SOX6: variants seen among roughly 807,000 people sequenced by gnomAD.
SOX6 encodes transcription factor SOX-6.
SOX6 carries 11 observed loss-of-function variants against 97.8 expected under a neutral mutation model. The observed-to-expected ratio is 0.11, with a 90% CI of 0.07 to 0.19. The LOEUF (loss-of-function observed/expected upper bound fraction) is 0.19, where lower values mean the gene tolerates loss of function less well. SOX6 is among the 10% of genes least tolerant of loss of function. The probability of loss-of-function intolerance (pLI) is 1.00; values close to 1 mark genes in which losing one functional copy is unlikely to be tolerated. For missense variants in SOX6, 810 were observed against 1,039.5 expected, an observed-to-expected ratio of 0.78 and a Z score of 3.04; for synonymous variants, 360 against 371.4, an observed-to-expected ratio of 0.97 and a Z score of 0.35.
intron 7 of SOX6, among the ~76,000 whole-genome samples, chr11:16,098,926 T>C (rs1392199359): frequency 2.0e-5 from 3 of 151,784 alleles, no homozygotes; most frequent in Non-Finnish European, 4.4e-5. Flanking sequence ...TGGGAACTCA[T>C]CCTGCTTGCC....
intron 4 of SOX6, among the ~76,000 whole-genome samples, chr11:16,556,974 G>T (rs74525554): frequency 0.016 from 2,377 of 151,708 alleles, 23 homozygotes; most frequent in Non-Finnish European, 0.026. Context: ...GCCACACATA[G>T]GTTTCCTTTT....
At chr11:16,312,508 C>A (rs1467617357) in intron 3 of SOX6, 1 of 152,172 alleles carries the variant, frequency 6.6e-6, no homozygotes, top group Non-Finnish European at 1.5e-5. Context: ...AACAGCTGTA[C>A]ATTATGCTGA....
At chr11:16,653,466 T>C (rs1211939302) in intron 3 of SOX6, among the ~76,000 whole-genome samples, 2 of 152,204 alleles carry the variant, frequency 1.3e-5, no homozygotes, top group Non-Finnish European at 2.9e-5. Flanking sequence ...ATGATGGCAT[T>C]CACAGCAAAC....
intron 4 of SOX6, among the ~76,000 whole-genome samples, chr11:16,524,822 TC>T (rs1861129406): frequency 6.6e-6 from 1 of 152,166 alleles, no homozygotes; most frequent in African/African-American, 2.4e-5. Context: ...TCACAAGCAT[TC>T]TTATACACCA....
chr11:16,316,737 C>G (rs1855767861), intron 3 of SOX6: 1 of 152,096 alleles, frequency 6.6e-6, no homozygotes, highest in Admixed American at 6.6e-5. Context: ...CTGAAACCAT[C>G]TTTTGGTGGA....
intron 1 of SOX6, among the ~76,000 whole-genome samples, chr11:16,414,334 C>G (rs2133058987): frequency 6.6e-6 from 1 of 152,202 alleles, no homozygotes; most frequent in Non-Finnish European, 1.5e-5. Context: ...TACTTTTTAC[C>G]TAACTCTCAG....
At chr11:16,346,174 C>T (rs1856771675) in intron 1 of SOX6, among the ~76,000 whole-genome samples, 1 of 151,968 alleles carries the variant, frequency 6.6e-6, no homozygotes, top group African/African-American at 2.4e-5. Context: ...AGATAATTCA[C>T]TGTTAATATA....
chr11:16,738,396 T>C (rs969176476), intron 1 of SOX6: 6 of 274,574 alleles, frequency 2.2e-5, no homozygotes, highest in South Asian at 2.1e-4. Flanking sequence ...CCTCCTCCTG[T>C]GGCGACAAAG....
intron 3 of SOX6, among the ~76,000 whole-genome samples, chr11:16,639,418 G>A (rs768081863): frequency 3.3e-5 from 5 of 152,220 alleles, no homozygotes; most frequent in South Asian, 4.1e-4. Flanking sequence ...GGTTCCTTAC[G>A]AACTTTAAAG....
At chr11:16,500,776 A>C (rs1205728386) in intron 4 of SOX6, among the ~76,000 whole-genome samples, 2 of 152,226 alleles carry the variant, frequency 1.3e-5, no homozygotes, top group Non-Finnish European at 2.9e-5. Context: ...CTCATCAAGG[A>C]GAACCACAAT....
chr11:16,137,433 T>C (rs1231843027), intron 6 of SOX6, among the ~76,000 whole-genome samples: 1 of 151,770 alleles, frequency 6.6e-6, no homozygotes, highest in African/African-American at 2.4e-5. Context: ...CTCCAATAAA[T>C]AAATAAAATA....
At chr11:16,093,642 A>G (rs1431249539) in intron 9 of SOX6, among the ~76,000 whole-genome samples, 2 of 151,976 alleles carry the variant, frequency 1.3e-5, no homozygotes, top group Admixed American at 6.6e-5. Flanking sequence ...CCTCCTAAGA[A>G]TCTCTGTTTA....
Position 16,258,433 on chromosome 11 carries a change from T to C in SOX6, c.446-23762A>G, listed in dbSNP as rs75150840. On this transcript the variant is annotated intron_variant, in intron 3 of 15. Coordinates refer to ENST00000683767, the MANE Select transcript of SOX6 (RefSeq NM_001367873.1). Reference sequence around the variant, plus strand: ...GACGCGAAGGAAACTTAAATGCATTTAAGTGAAAAAAGCCAATCTCATAAA... The same window carrying C: ...GACGCGAAGGAAACTTAAATGCATTCAAGTGAAAAAAGCCAATCTCATAAA... 4.1e-3 allele frequency among the ~76,000 whole-genome samples: 619 copies of C among 152,016 alleles called. 20 individuals carry two copies. In the East Asian group the frequency reaches 0.081, roughly 20 times the overall value.
At chr11:16,186,987 C>T in intron 4 of SOX6, 32 bp from the exon 5 acceptor site, 1 of 1,612,596 alleles carries the variant, frequency 6.2e-7, no homozygotes, top group Non-Finnish European at 8.5e-7. Flanking sequence ...ATCTCACAAG[C>T]TTGAGAAATA....
intron 9 of SOX6, among the ~76,000 whole-genome samples, chr11:16,082,957 T>A (rs978432172): frequency 2.6e-5 from 4 of 152,204 alleles, no homozygotes; most frequent in African/African-American, 9.6e-5. Context: ...TGCCGTGCTG[T>A]CTATTGCTTC....
chr11:15,972,652 C>T lies in SOX6; in HGVS notation c.*157G>A, dbSNP rs995544176. 6.6e-6 allele frequency: 5 copies of T among 762,654 alleles called. No homozygotes were observed. In the South Asian group the frequency reaches 8.8e-5, roughly 13 times the overall value. The allele number at this position is 762,654 out of a possible 1,614,324, so 47.2% of individuals were successfully genotyped here. The stretch of plus-strand genomic sequence containing the variant: ...CAAAAAACTCAAGTTCATGAAAAAT[C>T]AGGGAAAACTTAATCTGTCTCACAC... On this transcript the variant is annotated 3_prime_UTR_variant, in exon 16 of 16. Transcript: ENST00000683767.
chr11:16,405,910 C>A (rs1234475607), intron 1 of SOX6, among the ~76,000 whole-genome samples: 1 of 152,052 alleles, frequency 6.6e-6, no homozygotes, highest in Admixed American at 6.6e-5. Context: ...ACTCCACCCA[C>A]TGCTACTTCT....
At chr11:16,185,463 C>G (rs1025880983) in intron 5 of SOX6, among the ~76,000 whole-genome samples, 2 of 152,172 alleles carry the variant, frequency 1.3e-5, no homozygotes, top group African/African-American at 4.8e-5. Context: ...ATCCAAAACA[C>G]CACAGTGCAA....
At chr11:16,372,754 G>C (rs1459406828) in intron 1 of SOX6, among the ~76,000 whole-genome samples, 1 of 152,100 alleles carries the variant, frequency 6.6e-6, no homozygotes, top group Non-Finnish European at 1.5e-5. Flanking sequence ...TTGATGGAGA[G>C]AGCCAGTAGA....
Sources: allele counts gnomAD v4.1 joint callset (sites outside exome capture counted in the v4.1 genomes callset), GRCh38; gene constraint gnomAD v4.1.1; transcripts MANE v1.5; gene names NCBI Gene and HGNC (gene_info 2026-07-23, HGNC 2026-07-21).